The following RIMBP2 variants were observed in gnomAD, a reference collection of about 807,000 sequenced individuals.
RIMBP2 encodes the protein RIMS binding protein 2, also known as RIMS-binding protein 2.
A neutral mutation model predicts 118.6 loss-of-function variants in RIMBP2; 48 were observed. The observed-to-expected ratio is 0.40, with a 90% confidence interval of 0.32 to 0.51. The LOEUF (loss-of-function observed/expected upper bound fraction) is 0.51, where lower values mean the gene tolerates loss of function less well. RIMBP2 is among the 20% of genes least tolerant of loss of function. The pLI is 0.41. For missense variants in RIMBP2, 1,551 were observed against 1,768.3 expected (o/e 0.88, Z 2.20); for synonymous variants, 762 against 742.9 (o/e 1.03, Z -0.42).
intron 2 of RIMBP2, among the ~76,000 whole-genome samples, chr12:130,584,063 CCATCACCACCATCA>C (rs2058670798): frequency 6.6e-6 from 1 of 151,378 alleles, no homozygotes; most frequent in Admixed American, 6.6e-5. Flanking sequence ...ATCACCATGA[CCATCACCACCATCA>C]CCTCACCACC....
At position 130,434,954 on chromosome 12, in the gene RIMBP2, C is replaced by A; in HGVS notation, c.2107-74G>T. ...TACGCTCAGCCCCACCTGCATTCACCAAACCTTCAGCCCCTCAGAGCCTGG... is the reference window on the plus strand; with the variant it reads ...TACGCTCAGCCCCACCTGCATTCACAAAACCTTCAGCCCCTCAGAGCCTGG... On this transcript the variant is annotated intron_variant, in intron 13 of 22. Coordinates refer to ENST00000690449, the MANE Select transcript of RIMBP2 (RefSeq NM_001393629.1). This position sits in a 1 kb window ranked among gnomAD's most constrained non-coding sequence, Gnocchi z 5.7. 1.3e-6 allele frequency: 2 copies of A among 1,484,636 alleles called. No individual in the cohort carries two copies. The highest frequency in any genetic ancestry group is 9.0e-7 in the Non-Finnish European group (1 of 1,107,660). 92.0% of individuals were successfully genotyped at this position (1,484,636 alleles called of 1,614,324 possible). A position where few individuals can be genotyped will look rare whatever the true frequency, so the allele number is the denominator to read the frequency against.
intron 2 of RIMBP2, among the ~76,000 whole-genome samples, chr12:130,536,988 G>A (rs1291040621): frequency 6.6e-6 from 1 of 152,154 alleles, no homozygotes; most frequent in Non-Finnish European, 1.5e-5. Flanking sequence ...GAGATATTCT[G>A]TAACATATCT....
chr12:130,619,917 T>A (rs953279410), intron 2 of RIMBP2, among the ~76,000 whole-genome samples: 1 of 152,174 alleles, frequency 6.6e-6, no homozygotes, highest in Non-Finnish European at 1.5e-5. Context: ...GAGGTGGCCC[T>A]GCAGACACAT....
At chr12:130,655,642 C>CA (rs1368556001) in intron 1 of RIMBP2, among the ~76,000 whole-genome samples, 2 of 152,208 alleles carry the variant, frequency 1.3e-5, no homozygotes, top group African/African-American at 4.8e-5. Flanking sequence ...GGTTACTACA[C>CA]AGAGCGAACA....
In RIMBP2 at chr12:130,703,351, A is replaced by G. The variant is rs2065951160; in HGVS notation, c.-352+12871T>C. Among the ~76,000 whole-genome samples, 1 of 152,210 alleles carries G rather than the reference A, an allele frequency of 6.6e-6. No homozygotes were observed. The highest frequency in any genetic ancestry group is 6.5e-5 in the Admixed American group (1 of 15,288). ...CTGCCCAAGAATCCCTAATTCACTA[A>G]TAAGAAAATCACCATCTAACATCAG... On this transcript the variant is annotated intron_variant, in intron 1 of 22. Coordinates refer to ENST00000690449, the MANE Select transcript of RIMBP2 (RefSeq NM_001393629.1). This position sits in a 1 kb window ranked among gnomAD's most constrained non-coding sequence, Gnocchi z 5.7.
chr12:130,664,423 A>ACG (rs1555320894), intron 1 of RIMBP2, among the ~76,000 whole-genome samples: 1 of 88,910 alleles, frequency 1.1e-5, no homozygotes, highest in African/African-American at 3.6e-5. Context: ...ACACACACGC[A>ACG]CACACATGCA....
At chr12:130,472,459 G>A (rs1218966960) in intron 5 of RIMBP2, 2 of 152,188 alleles carry the variant, frequency 1.3e-5, no homozygotes, top group Admixed American at 6.5e-5. Context: ...AGGAAAATGG[G>A]GGTTTTTAAG....
At chr12:130,538,700 C>T (rs1375839679) in intron 2 of RIMBP2, among the ~76,000 whole-genome samples, 1 of 152,154 alleles carries the variant, frequency 6.6e-6, no homozygotes, top group African/African-American at 2.4e-5. Context: ...GAGCGAGTCA[C>T]GAGCATTACA....
At chr12:130,588,939 CA>C (rs2059088174) in intron 2 of RIMBP2, among the ~76,000 whole-genome samples, 1 of 152,190 alleles carries the variant, frequency 6.6e-6, no homozygotes, top group African/African-American at 2.4e-5. Flanking sequence ...GGGGGATTTG[CA>C]AAGATGGAAT....
At position 130,424,425 on chromosome 12, in the gene RIMBP2, G is replaced by T. The variant is rs1593245222; in HGVS notation, c.2846C>A (p.Pro949His). 1 of 1,232,738 alleles carries T rather than the reference G, an allele frequency of 8.1e-7. No individual in the cohort carries two copies. Among genetic ancestry groups the T allele is most frequent in the East Asian group, 3.2e-5 (1 of 31,696 alleles). 76.4% of individuals were successfully genotyped at this position (1,232,738 alleles called of 1,614,324 possible). A position where few individuals can be genotyped will look rare whatever the true frequency, so the allele number is the denominator to read the frequency against. ...AACSPGPGHC[P>H]CRRGPRPLLA... ...CAGCGGCCTCGGGCCCCTCCTGCAGGGACAGTGACCAGGGCCTGGGCTGCA... is the reference window on the plus strand; with the variant it reads ...CAGCGGCCTCGGGCCCCTCCTGCAGTGACAGTGACCAGGGCCTGGGCTGCA... Residue 949 changes from proline to histidine, a missense_variant, in exon 16 of 23, where the codon CCC becomes CAC. Physicochemically the swap from Pro to His is moderately conservative, Grantham distance 77 (BLOSUM62 -2). Transcript: ENST00000690449. This position sits in a 1 kb window ranked among gnomAD's most constrained non-coding sequence, Gnocchi z 9.8.
intron 1 of RIMBP2, among the ~76,000 whole-genome samples, chr12:130,693,532 C>T (rs1437560834): frequency 6.6e-6 from 1 of 152,186 alleles, no homozygotes; most frequent in African/African-American, 2.4e-5. Flanking sequence ...CTATGCCCAC[C>T]GTGAGAAAGG....
At chr12:130,637,746 C>T (rs1334714121) in intron 1 of RIMBP2, among the ~76,000 whole-genome samples, 1 of 152,114 alleles carries the variant, frequency 6.6e-6, no homozygotes, top group Non-Finnish European at 1.5e-5. Context: ...CTAACAATGT[C>T]CTCTTTCCTA....
chr12:130,569,669 G>T (rs886875699), intron 2 of RIMBP2, among the ~76,000 whole-genome samples: 1 of 152,098 alleles, frequency 6.6e-6, no homozygotes, highest in Admixed American at 6.5e-5. Context: ...ATTTAAAAGC[G>T]TGCAGCCCCT....
chr12:130,532,309 G>A (rs573637717), intron 2 of RIMBP2, among the ~76,000 whole-genome samples: 7 of 148,828 alleles, frequency 4.7e-5, no homozygotes, highest in African/African-American at 1.7e-4. Context: ...AATGAGATGC[G>A]TGTGTTTAGC....
chr12:130,531,610 A>C (rs1358362704), intron 2 of RIMBP2, among the ~76,000 whole-genome samples: 1 of 152,256 alleles, frequency 6.6e-6, no homozygotes, highest in Admixed American at 6.5e-5. Flanking sequence ...ACCATTAAAA[A>C]TAATGCTGCA....
intron 4 of RIMBP2, among the ~76,000 whole-genome samples, chr12:130,483,586 GC>G (rs1422262036): frequency 1.3e-5 from 2 of 151,458 alleles, no homozygotes; most frequent in African/African-American, 4.9e-5. Flanking sequence ...CAGAGACAGA[GC>G]CCCACGCGGC....
chr12:130,429,955 C>G (rs900316138), intron 14 of RIMBP2: 1 of 152,186 alleles, frequency 6.6e-6, no homozygotes. Context: ...TGGGGAGGGA[C>G]TGCCTGCACC....
At chr12:130,562,374 A>G (rs897048821) in intron 2 of RIMBP2, among the ~76,000 whole-genome samples, 4 of 152,232 alleles carry the variant, frequency 2.6e-5, no homozygotes, top group Non-Finnish European at 5.9e-5. Flanking sequence ...AAGTCCTGGC[A>G]TAGATCAGCC....
chr12:130,696,259 G>C (rs998383717), intron 1 of RIMBP2, among the ~76,000 whole-genome samples: 1 of 152,218 alleles, frequency 6.6e-6, no homozygotes, highest in African/African-American at 2.4e-5. Flanking sequence ...AGCTGCCTGG[G>C]GAGGGCAGAG....
Sources: gnomAD v4.1 joint callset for allele counts (sites outside exome capture counted in the v4.1 genomes callset) on GRCh38, gnomAD v4.1.1 for gene constraint, Gnocchi (gnomAD v3.1) non-coding constraint, MANE v1.5 for transcripts, NCBI Gene and HGNC (gene_info 2026-07-23, HGNC 2026-07-21) for gene names.